Variants in ZW10 observed in about 807,000 individuals in gnomAD.
ZW10 encodes zw10 kinetochore protein.
A neutral mutation model predicts 87.8 loss-of-function variants in ZW10; 53 were observed. The observed-to-expected ratio is 0.60, with a 90% confidence interval of 0.48 to 0.76. ZW10 has a LOEUF of 0.76. Ranked by LOEUF, ZW10 falls within the 30% of genes least tolerant of loss-of-function variation. The pLI is 0.00. For missense variants in ZW10, 837 were observed against 923.0 expected (o/e 0.91, Z 1.21); for synonymous variants, 312 against 329.2 (o/e 0.95, Z 0.57).
intron 7 of ZW10, chr11:113,751,270 A>G: frequency 3.4e-6 from 1 of 296,094 alleles, no homozygotes; most frequent in Non-Finnish European, 7.2e-6. Flanking sequence ...GCTCCAGTAC[A>G]GCTGCTGGTG....
chr11:113,758,527 T>TA, intron 6 of ZW10, 27 bp downstream of exon 6: 1 of 1,608,282 alleles, frequency 6.2e-7, no homozygotes, highest in Admixed American at 1.7e-5. Context: ...AGATTTTGTG[T>TA]AAATGAAACA....
Position 113,766,661 on chromosome 11 carries a change from G to A in ZW10, c.240+2172C>T, listed in dbSNP as rs1428187631. ...TGTACTTCAGCCTGGGTGACAGAGC[G>A]AGACTCCATCTCAAAAAAAAAAAAA... On this transcript the variant is annotated intron_variant, in intron 2 of 15. Transcript: ENST00000200135. 2.8e-3 allele frequency among the ~76,000 whole-genome samples: 287 copies of A among 102,544 alleles called. 3 individuals carry two copies. Among genetic ancestry groups the A allele is most frequent in the African/African-American group, 0.011 (272 of 25,188 alleles). The allele number at this position is 102,544 out of a possible 152,430, so 67.3% of individuals were successfully genotyped here. A position where few individuals can be genotyped will look rare whatever the true frequency, so the allele number is the denominator to read the frequency against.
chr11:113,741,358 C>T (rs898283944), intron 11 of ZW10, among the ~76,000 whole-genome samples: 3 of 152,140 alleles, frequency 2.0e-5, no homozygotes, highest in African/African-American at 7.2e-5. Context: ...TTATGAAAAA[C>T]ATCTAAACAT....
chr11:113,764,323 A>G (rs1953891266), intron 2 of ZW10, among the ~76,000 whole-genome samples: 1 of 152,146 alleles, frequency 6.6e-6, no homozygotes, highest in South Asian at 2.1e-4. Flanking sequence ...CTTTTTGTTT[A>G]GGATTGTCTT....
intron 8 of ZW10, among the ~76,000 whole-genome samples, chr11:113,747,927 T>C (rs1056279950): frequency 3.3e-5 from 5 of 151,984 alleles, no homozygotes; most frequent in Non-Finnish European, 7.4e-5. Flanking sequence ...TTAGTAAAAA[T>C]AGAAAGATCT....
chr11:113,748,624 C>T (rs550581690), intron 7 of ZW10, among the ~76,000 whole-genome samples: 2 of 152,226 alleles, frequency 1.3e-5, no homozygotes, highest in Middle Eastern at 3.4e-3. Flanking sequence ...ATTGTCTGTA[C>T]TATATTACTG....
At chr11:113,741,545 T>C in intron 11 of ZW10, 149 bp downstream of exon 11, 1 of 497,934 alleles carries the variant, frequency 2.0e-6, no homozygotes, top group East Asian at 3.3e-5. Flanking sequence ...ATCCTTTAAA[T>C]ATGCGTTTTA....
chr11:113,741,879 C>T (rs1953623375), intron 10 of ZW10, 114 bp from the exon 11 acceptor site: 1 of 620,072 alleles, frequency 1.6e-6, no homozygotes, highest in Non-Finnish European at 2.8e-6. Context: ...TACAGTTGCA[C>T]AGAACACCTG....
intron 2 of ZW10, among the ~76,000 whole-genome samples, chr11:113,767,120 A>G (rs945780568): frequency 2.0e-5 from 3 of 151,774 alleles, no homozygotes; most frequent in Admixed American, 2.0e-4. Context: ...CACAGACTAT[A>G]CTAGAATAGC....
intron 7 of ZW10, 55 bp downstream of exon 7, chr11:113,757,607 T>C (rs1340014724): frequency 8.0e-7 from 1 of 1,252,868 alleles, no homozygotes; most frequent in African/African-American, 1.5e-5. Flanking sequence ...ATATTTACTT[T>C]TATAAACAAT....
chr11:113,769,737 A>G (rs1178259912), intron 1 of ZW10: 1 of 421,466 alleles, frequency 2.4e-6, no homozygotes, highest in Non-Finnish European at 4.6e-6. Context: ...CATAAGGATT[A>G]ATGCCTGTGG....
intron 7 of ZW10, among the ~76,000 whole-genome samples, chr11:113,756,936 C>T (rs1326051079): frequency 2.0e-5 from 3 of 151,938 alleles, no homozygotes; most frequent in Non-Finnish European, 4.4e-5. Flanking sequence ...ATAGAAAAGT[C>T]CTTGCTTTAC....
chr11:113,760,701 AAAAG>A (rs1455872281), intron 3 of ZW10, 111 bp from the exon 4 acceptor site: 11 of 1,207,016 alleles, frequency 9.1e-6, no homozygotes, highest in African/African-American at 7.8e-5. Flanking sequence ...TAAAAAAAAA[AAAAG>A]AAAGAAAAAA....
Position 113,760,511 on chromosome 11 carries a change from A to G in ZW10, c.420+2T>C. The G allele has an allele frequency of 6.2e-7, 1 of 1,612,890 alleles. No individual in the cohort carries two copies. Among genetic ancestry groups the G allele is most frequent in the Non-Finnish European group, 8.5e-7 (1 of 1,179,230 alleles). On this transcript the variant is annotated splice_donor_variant, in intron 4 of 15. Transcript: ENST00000200135. LOFTEE classifies it high-confidence loss of function. Reference sequence around the variant, plus strand: ...GCATGCTTTGGGGAGAGCATTTAGTACCTCTTCCAGACGCTGAGCACCAGT... The same window carrying G: ...GCATGCTTTGGGGAGAGCATTTAGTGCCTCTTCCAGACGCTGAGCACCAGT...
chr11:113,736,598 T>G, intron 15 of ZW10, 22 bp downstream of exon 15: 1 of 1,613,156 alleles, frequency 6.2e-7, no homozygotes, highest in Non-Finnish European at 8.5e-7. Context: ...GTTATATGCC[T>G]CTATAGAAGG....
At chr11:113,758,472 T>C in intron 6 of ZW10, 82 bp downstream of exon 6, 1 of 1,381,490 alleles carries the variant, frequency 7.2e-7, no homozygotes, top group Non-Finnish European at 1.0e-6. Context: ...CTGCAGAGAA[T>C]ATTTTATCAT....
Position 113,737,647 on chromosome 11 carries a change from A to T in ZW10, c.1941T>A (p.Asn647Lys), listed in dbSNP as rs1565278837. Residue 647 changes from asparagine (N) to lysine (K), a missense_variant, in exon 14 of 16, where the codon AAT (asparagine) becomes AAA (lysine). Asn to Lys is a moderately conservative substitution (Grantham distance 94). Transcript: ENST00000200135. ...AAGTCCCCATAGCCTTGCAATATAT[A>T]TTCACTGGCAGGACATCCTGCCACA... ...GIVWQDVLPV[N>K]IYCKAMGTLL... The T allele has an allele frequency of 6.2e-7, 1 of 1,613,670 alleles. No individual in the cohort carries two copies. Among genetic ancestry groups the T allele is most frequent in the South Asian group, 1.1e-5 (1 of 91,006 alleles).
At chr11:113,740,399 G>A (rs1020600808) in intron 11 of ZW10, among the ~76,000 whole-genome samples, 3 of 151,998 alleles carry the variant, frequency 2.0e-5, no homozygotes, top group African/African-American at 7.3e-5. Flanking sequence ...GACCAGCCTG[G>A]GCAACATATA....
intron 6 of ZW10, 149 bp from the exon 7 acceptor site, chr11:113,758,002 T>C: frequency 1.8e-6 from 1 of 547,158 alleles, no homozygotes; most frequent in Non-Finnish European, 3.0e-6. Context: ...TGAGATCCCG[T>C]CTCTACTGAA....
Sources: gnomAD v4.1 joint callset for allele counts (sites outside exome capture counted in the v4.1 genomes callset) on GRCh38, gnomAD v4.1.1 for gene constraint, MANE v1.5 for transcripts, NCBI Gene and HGNC (gene_info 2026-07-23, HGNC 2026-07-21) for gene names.